Variants in SPIRE2 observed in about 807,000 individuals in gnomAD.
SPIRE2 encodes spire type actin nucleation factor 2, also known as protein spire homolog 2.
SPIRE2 carries 76 observed loss-of-function variants against 80.7 expected under a neutral mutation model. That is an observed-to-expected ratio of 0.94 (90% CI 0.78 to 1.14). The LOEUF is 1.14. Among genes scored for constraint, SPIRE2 ranks in the 50% most tolerant of loss-of-function variants. SPIRE2 has a pLI of 0.00. For synonymous variants in SPIRE2, 535 were observed against 432.6 expected (o/e 1.24, Z -2.94); for missense variants, 1,196 against 1,015.3 (o/e 1.18, Z -2.42).
In SPIRE2 at chr16:89,850,532, C is replaced by G. The variant is rs996968996; in HGVS notation, c.517C>G (p.Arg173Gly). 1.3e-5 allele frequency: 19 copies of G among 1,512,632 alleles called. 2 individuals are homozygous for G. The South Asian group carries it at 2.3e-4, about 18-fold the overall frequency. The allele number at this position is 1,512,632 out of a possible 1,614,324, so 93.7% of individuals were successfully genotyped here. A position where few individuals can be genotyped will look rare whatever the true frequency, so the allele number is the denominator to read the frequency against. Reference sequence around the variant, plus strand: ...CGTGCGCACCTTTGCCCAGGCCATGCGGCTGTGCGCGGCGCGGCTGACCGA... The same window carrying G: ...CGTGCGCACCTTTGCCCAGGCCATGGGGCTGTGCGCGGCGCGGCTGACCGA... ...RSVRTFAQAM[R>G]LCAARLTDPR... Residue 173 changes from arginine to glycine, a missense_variant, in exon 3 of 15, where the codon CGG (arginine) becomes GGG (glycine). By Grantham distance (125) the Arg-to-Gly change is moderately radical. Coordinates refer to ENST00000378247, the MANE Select transcript of SPIRE2 (RefSeq NM_032451.2).
chr16:89,833,084 C>T (rs1445065211), intron 1 of SPIRE2, among the ~76,000 whole-genome samples: 1 of 151,584 alleles, frequency 6.6e-6, no homozygotes, highest in Non-Finnish European at 1.5e-5. Context: ...TCTGCCTCCC[C>T]AGGTTCAAGT....
At chr16:89,843,680 TGTTTGTTTTTG>T (rs1567671334) in intron 1 of SPIRE2, among the ~76,000 whole-genome samples, 48 of 22,786 alleles carry the variant, frequency 2.1e-3, no homozygotes, top group East Asian at 5.1e-3. Context: ...TTTTTTTTTT[TGTTTGTTTTTG>T]TTTTTTGTTT....
At chr16:89,838,060 G>C (rs2041467666) in intron 1 of SPIRE2, among the ~76,000 whole-genome samples, 4 of 151,756 alleles carry the variant, frequency 2.6e-5, no homozygotes, top group Middle Eastern at 3.2e-3. Context: ...ACCCAGGCTG[G>C]AGTGCCTCAG....
At position 89,859,300 on chromosome 16, in the gene SPIRE2, C is replaced by T; in HGVS notation, c.1408C>T (p.Pro470Ser). The change falls in exon 9 of 15, where the codon CCA (proline) becomes TCA (serine). Residue 470 changes from proline (P) to serine (S), a missense_variant. Transcript: ENST00000378247. ...ATHPPGGTEP[P>S]RPRAGSAHVW... is the part of the protein sequence containing the mutation. Reference sequence around the variant, plus strand: ...CCACCCCCCAGGAGGGACGGAGCCACCACGGCCCCGAGCTGGCAGTGCGCA... The same window carrying T: ...CCACCCCCCAGGAGGGACGGAGCCATCACGGCCCCGAGCTGGCAGTGCGCA... 1 of 1,599,482 alleles carries T rather than the reference C, an allele frequency of 6.3e-7. No homozygotes were observed.
intron 2 of SPIRE2, chr16:89,845,926 G>A (rs1044943207): frequency 2.0e-5 from 8 of 394,962 alleles, no homozygotes; most frequent in African/African-American, 4.2e-5. Context: ...AGATGGAGTC[G>A]CGCTCTGTCG....
chr16:89,856,455 A>T (rs2041692688), intron 7 of SPIRE2, among the ~76,000 whole-genome samples: 1 of 151,638 alleles, frequency 6.6e-6, no homozygotes, highest in Non-Finnish European at 1.5e-5. Context: ...ATATATATAT[A>T]TTTGTTTGAG....
In SPIRE2 at chr16:89,859,591, C is replaced by A. The variant is rs532596094; in HGVS notation, c.1462+237C>A. Reference sequence around the variant, plus strand: ...TATTTTTTAATATTTAAAAAGAATTCTCATGATTCTATTACCTAGACATAA... The same window carrying A: ...TATTTTTTAATATTTAAAAAGAATTATCATGATTCTATTACCTAGACATAA... On this transcript the variant is annotated intron_variant, in intron 9 of 14. Transcript: ENST00000378247. Among the ~76,000 whole-genome samples the A allele has an allele frequency of 2.6e-5, 4 of 152,262 alleles. No individual in the cohort carries two copies. The East Asian group carries it at 7.7e-4, about 29-fold the overall frequency.
chr16:89,863,400 T>A lies in SPIRE2; in HGVS notation c.1576-76T>A. ...TGTTTAGGCTGAGGCCAGGGAGGGT[T>A]AGGGTCCTCAGGGAAGGAGAGTAAG... On this transcript the variant is annotated intron_variant, in intron 10 of 14. Coordinates refer to ENST00000378247, the MANE Select transcript of SPIRE2 (RefSeq NM_032451.2). This position sits in a 1 kb window ranked among gnomAD's most constrained non-coding sequence, Gnocchi z 4.3. 2 of 1,557,610 alleles carry A rather than the reference T, an allele frequency of 1.3e-6. No homozygotes were observed. The highest frequency in any genetic ancestry group is 1.8e-6 in the Non-Finnish European group (2 of 1,138,248).
At position 89,850,380 on chromosome 16, in the gene SPIRE2, G is replaced by A. The variant is rs1414017357; in HGVS notation, c.365G>A (p.Ser122Asn). ...GACGAGAGCGAGGAGCGCGAACTCA[G>A]CCCTCAGCTGGAGCGGCTCATCGAC... ...GLDESEERELSPQLERLIDLM... is the reference protein window; with the variant it reads ...GLDESEERELNPQLERLIDLM... Residue 122 changes from serine (S) to asparagine (N), a missense_variant, in exon 3 of 15, where the codon AGC becomes AAC. Transcript: ENST00000378247. 1.3e-6 allele frequency: 2 copies of A among 1,599,174 alleles called. No individual in the cohort carries two copies. Among genetic ancestry groups the A allele is most frequent in the Non-Finnish European group, 1.7e-6 (2 of 1,174,568 alleles).
chr16:89,840,245 C>CTTTTTT (rs778083127), intron 1 of SPIRE2, among the ~76,000 whole-genome samples: 4 of 133,270 alleles, frequency 3.0e-5, no homozygotes, highest in African/African-American at 5.5e-5. Context: ...AACCTGTCAT[C>CTTTTTT]TTTTTTTTTT....
chr16:89,853,705 G>A lies in SPIRE2; in HGVS notation c.646-581G>A, dbSNP rs187173898. On this transcript the variant is annotated intron_variant, in intron 3 of 14. Coordinates refer to ENST00000378247, the MANE Select transcript of SPIRE2 (RefSeq NM_032451.2). ...GTGACAGCAGAGGCTGCGTGCCACC[G>A]AGATCGTGCGTGACGGAGGCAGCAG... Among the ~76,000 whole-genome samples the A allele has an allele frequency of 4.3e-4, 66 of 152,214 alleles. No individual in the cohort carries two copies. The East Asian group carries it at 0.011, about 26-fold the overall frequency.
rs369638072 is a variant in SPIRE2 at position 89,854,460 on chromosome 16, G to C, written c.727-27G>C. On this transcript the variant is annotated intron_variant, in intron 4 of 14. Transcript: ENST00000378247. The stretch of plus-strand genomic sequence containing the variant: ...GCCGTGGAGCTTCACCTGGGGCTGA[G>C]ACCCATTCTCTTCCCCTGGGGCCCA... 3.0e-5 allele frequency: 49 copies of C among 1,611,304 alleles called. No individual in the cohort carries two copies. The African/African-American group carries it at 5.3e-4, about 18-fold the overall frequency.
chr16:89,846,070 T>A, intron 2 of SPIRE2: 1 of 166,460 alleles, frequency 6.0e-6, no homozygotes, highest in South Asian at 1.5e-4. Context: ...CTAATTTTTT[T>A]CTATTTTTAG....
At chr16:89,832,374 A>T (rs112990133) in intron 1 of SPIRE2, among the ~76,000 whole-genome samples, 1 of 152,220 alleles carries the variant, frequency 6.6e-6, no homozygotes, top group African/African-American at 2.4e-5. Context: ...ACGTGTGCAC[A>T]TGAGTGTTTA....
chr16:89,828,533 G>A lies in SPIRE2; in HGVS notation c.-18G>A. The A allele has an allele frequency of 9.4e-7, 1 of 1,067,552 alleles. No individual in the cohort carries two copies. The highest frequency in any genetic ancestry group is 1.7e-5 in the African/African-American group (1 of 58,808). The allele number at this position is 1,067,552 out of a possible 1,614,324, so 66.1% of individuals were successfully genotyped here. On this transcript the variant is annotated 5_prime_UTR_variant, in exon 1 of 15. Coordinates refer to ENST00000378247, the MANE Select transcript of SPIRE2 (RefSeq NM_032451.2). The surrounding 1 kb of genome is among the most constrained non-coding windows in gnomAD (Gnocchi z 5.9). ...ATGGACGCGGGTCCGGCGCGCGGGA[G>A]GCGATGACGGCCCCGCCATGGCCCG... is the stretch of plus-strand genomic sequence containing the variant.
At chr16:89,843,301 G>A (rs531122049) in intron 1 of SPIRE2, among the ~76,000 whole-genome samples, 1 of 152,306 alleles carries the variant, frequency 6.6e-6, no homozygotes, top group African/African-American at 2.4e-5. Context: ...GAAACGGGAA[G>A]TGGAGCAACC....
intron 6 of SPIRE2, 76 bp from the exon 7 acceptor site, chr16:89,856,037 C>T (rs1030971322): frequency 2.5e-5 from 39 of 1,574,128 alleles, no homozygotes; most frequent in Non-Finnish European, 1.8e-5. Context: ...CCACAGGTCC[C>T]GCTTCCCCAC....
intron 8 of SPIRE2, among the ~76,000 whole-genome samples, chr16:89,858,889 G>C (rs573462651): frequency 1.3e-5 from 2 of 152,240 alleles, no homozygotes; most frequent in African/African-American, 4.8e-5. Context: ...CTCTTCACAG[G>C]AAGGGCTGGT....
At chr16:89,868,148 T>G (rs1254400547) in intron 12 of SPIRE2, 41 bp from the exon 13 acceptor site, 1 of 1,613,618 alleles carries the variant, frequency 6.2e-7, no homozygotes, top group Non-Finnish European at 8.5e-7. Context: ...GTTTGTGGGC[T>G]TCCTCCCTGC....
Sources: gnomAD v4.1 joint callset for allele counts (sites outside exome capture counted in the v4.1 genomes callset) on GRCh38, gnomAD v4.1.1 for gene constraint, Gnocchi (gnomAD v3.1) non-coding constraint, MANE v1.5 for transcripts, NCBI Gene and HGNC (gene_info 2026-07-23, HGNC 2026-07-21) for gene names.